PLEKHM2: variants seen among roughly 807,000 people sequenced by gnomAD.
PLEKHM2 encodes the protein pleckstrin homology and RUN domain containing M2, also known as pleckstrin homology domain-containing family M member 2.
PLEKHM2 carries 77 observed loss-of-function variants against 116.3 expected under a neutral mutation model. That is an observed-to-expected ratio of 0.66 (90% CI 0.55 to 0.80). The LOEUF is 0.80. Among genes scored for constraint, PLEKHM2 ranks in the 30% least tolerant of loss-of-function variants. PLEKHM2 has a pLI of 0.00. For synonymous variants in PLEKHM2, 562 were observed against 571.0 expected (o/e 0.98, Z 0.22); for missense variants, 1,183 against 1,354.9 (o/e 0.87, Z 1.99).
At position 15,728,688 on chromosome 1, in the gene PLEKHM2, C is replaced by T; in HGVS notation, c.1941C>T (p.Tyr647=). ...TCTCAGGGGCCACAGAGAAGCCATA[C>T]CTGGTGGAAGAGGCCGTTTCTTACA... is the stretch of plus-strand genomic sequence containing the variant. ...LLRKGATEKP[Y]LVEEAVSYNE... Residue 647 remains tyrosine, a synonymous_variant, in exon 12 of 20, where the codon TAC becomes TAT. Transcript: ENST00000375799. This position sits in a 1 kb window ranked among gnomAD's most constrained non-coding sequence, Gnocchi z 5.9. 6.2e-7 allele frequency: 1 copy of T among 1,611,776 alleles called. No homozygotes were observed. The highest frequency in any genetic ancestry group is 1.1e-5 in the South Asian group (1 of 90,538).
intron 19 of PLEKHM2, 100 bp from the exon 20 acceptor site, chr1:15,733,697 G>A: frequency 7.7e-7 from 1 of 1,298,742 alleles, no homozygotes; most frequent in Non-Finnish European, 1.1e-6. Context: ...CCTGACAGGG[G>A]CTCCGTGGCC....
At chr1:15,702,526 T>C (rs1641135981) in intron 1 of PLEKHM2, among the ~76,000 whole-genome samples, 1 of 151,928 alleles carries the variant, frequency 6.6e-6, no homozygotes, top group Non-Finnish European at 1.5e-5. Context: ...AGCAATTCTT[T>C]TGCCTCAGCC....
chr1:15,727,958 C>CCG lies in PLEKHM2; in HGVS notation c.1761-120_1761-119insGC. ...CCTGAGTGAGAAGGGGTGTGAGCCTCCCTCCCTAACTTTGGCTCCTAGTGG... is the reference window on the plus strand; with the variant it reads ...CCTGAGTGAGAAGGGGTGTGAGCCTCCGCCTCCCTAACTTTGGCTCCTAGTGG... On this transcript the variant is annotated intron_variant, in intron 9 of 19. Coordinates refer to ENST00000375799, the MANE Select transcript of PLEKHM2 (RefSeq NM_015164.4). This position sits in a 1 kb window ranked among gnomAD's most constrained non-coding sequence, Gnocchi z 7.5. 8.4e-7 allele frequency: 1 copy of CCG among 1,196,450 alleles called. No homozygotes were observed. The highest frequency in any genetic ancestry group is 1.2e-6 in the Non-Finnish European group (1 of 828,544). The allele number at this position is 1,196,450 out of a possible 1,614,324, so 74.1% of individuals were successfully genotyped here. A position where few individuals can be genotyped will look rare whatever the true frequency, so the allele number is the denominator to read the frequency against.
At chr1:15,705,170 C>CTTTT (rs71306988) in intron 1 of PLEKHM2, among the ~76,000 whole-genome samples, 2 of 74,070 alleles carry the variant, frequency 2.7e-5, no homozygotes, top group African/African-American at 6.3e-5. Flanking sequence ...ACGTAGATAT[C>CTTTT]TTTTTTTTTT....
In PLEKHM2 at chr1:15,731,921, A is replaced by G; in HGVS notation, c.2498A>G (p.Asn833Ser). Residue 833 changes from asparagine (N) to serine (S), a missense_variant, in exon 17 of 20, where the codon AAC becomes AGC. Around this residue, in one of 3 missense-constraint regions of PLEKHM2, gnomAD observed 594 missense variants for 720.1 expected, o/e 0.82. Coordinates refer to ENST00000375799, the MANE Select transcript of PLEKHM2 (RefSeq NM_015164.4). ...GEQCGGCRRA[N>S]TTDRPHAFQV... ...CAGTGCGGTGGCTGCCGGAGAGCCA[A>G]CACCACGGATCGGCCCCACGCCTTC... is the stretch of plus-strand genomic sequence containing the variant. 6.2e-7 allele frequency: 1 copy of G among 1,611,468 alleles called. No homozygotes were observed. The highest frequency in any genetic ancestry group is 8.5e-7 in the Non-Finnish European group (1 of 1,179,356).
intron 1 of PLEKHM2, among the ~76,000 whole-genome samples, chr1:15,707,973 C>T (rs1249635995): frequency 2.0e-5 from 3 of 152,054 alleles, no homozygotes; most frequent in African/African-American, 4.8e-5. Flanking sequence ...TGACCTCCAC[C>T]CCCTGGGTTC....
intron 2 of PLEKHM2, 53 bp downstream of exon 2, chr1:15,716,396 A>G: frequency 6.5e-6 from 7 of 1,084,502 alleles, no homozygotes; most frequent in Non-Finnish European, 9.5e-6. Flanking sequence ...GGCCATGAGT[A>G]GCCTCCACAG....
At chr1:15,686,680 G>T (rs12405735) in intron 1 of PLEKHM2, among the ~76,000 whole-genome samples, 1 of 135,810 alleles carries the variant, frequency 7.4e-6, no homozygotes, top group African/African-American at 3.2e-5. Context: ...ACGGAGTCTC[G>T]CTCTGTCGCC....
chr1:15,707,282 A>AT (rs1175794945), intron 1 of PLEKHM2, among the ~76,000 whole-genome samples: 1 of 151,396 alleles, frequency 6.6e-6, no homozygotes, highest in African/African-American at 2.4e-5. Flanking sequence ...AAAAAAAAAA[A>AT]ATTAGCCAGG....
chr1:15,687,653 C>A (rs926968793), intron 1 of PLEKHM2, among the ~76,000 whole-genome samples: 5 of 152,182 alleles, frequency 3.3e-5, no homozygotes, highest in Non-Finnish European at 7.3e-5. Context: ...TTGTTTGAGA[C>A]AACTGCGATG....
Position 15,697,266 on chromosome 1 carries a change from T to C in PLEKHM2, c.60+12648T>C, listed in dbSNP as rs184717362. Among the ~76,000 whole-genome samples, 340 of 152,050 alleles carry C rather than the reference T, an allele frequency of 2.2e-3. 1 individual carries two copies. The highest frequency in any genetic ancestry group is 7.9e-3 in the African/African-American group (326 of 41,490). On this transcript the variant is annotated intron_variant, in intron 1 of 19. Transcript: ENST00000375799. ...CCGTCCCAGCAGTAGAAGAATGGAG[T>C]AGAATCGTGTGCACTCTGTTTTTCA...
intron 1 of PLEKHM2, among the ~76,000 whole-genome samples, chr1:15,695,428 C>T (rs1255458810): frequency 6.6e-6 from 1 of 152,172 alleles, no homozygotes; most frequent in African/African-American, 2.4e-5. Flanking sequence ...TTAGTTTATT[C>T]GGCACCTGTT....
chr1:15,689,999 G>T (rs1013172037), intron 1 of PLEKHM2, among the ~76,000 whole-genome samples: 23 of 149,456 alleles, frequency 1.5e-4, no homozygotes, highest in African/African-American at 4.7e-4. Flanking sequence ...CAGGTGATCT[G>T]CCTGCTTCGG....
intron 15 of PLEKHM2, among the ~76,000 whole-genome samples, 153 bp downstream of exon 15, chr1:15,730,875 G>C (rs1023865251): frequency 9.8e-5 from 15 of 152,324 alleles, no homozygotes; most frequent in African/African-American, 3.6e-4. Flanking sequence ...AGTTGACTTA[G>C]CTCAGGCTGT....
At chr1:15,713,787 C>G (rs557498770) in intron 1 of PLEKHM2, among the ~76,000 whole-genome samples, 1 of 152,108 alleles carries the variant, frequency 6.6e-6, no homozygotes, top group East Asian at 1.9e-4. Context: ...AGGCGCCTGC[C>G]ACTACGCCCG....
intron 16 of PLEKHM2, among the ~76,000 whole-genome samples, chr1:15,731,608 G>A (rs1464019555): frequency 6.6e-6 from 1 of 152,172 alleles, no homozygotes; most frequent in Non-Finnish European, 1.5e-5. Context: ...ATTCTCAGAG[G>A]GCCAGTGGGA....
intron 1 of PLEKHM2, among the ~76,000 whole-genome samples, chr1:15,714,529 G>C (rs1641402414): frequency 6.6e-6 from 1 of 152,142 alleles, no homozygotes; most frequent in African/African-American, 2.4e-5. Context: ...CTGGGAGGAA[G>C]GGAAGGGAAG....
In PLEKHM2 at chr1:15,728,624, A is replaced by C. The variant is rs780076977; in HGVS notation, c.1922-45A>C. On this transcript the variant is annotated intron_variant, in intron 11 of 19. Coordinates refer to ENST00000375799, the MANE Select transcript of PLEKHM2 (RefSeq NM_015164.4). This position sits in a 1 kb window ranked among gnomAD's most constrained non-coding sequence, Gnocchi z 5.9. ...TAAGAAAATGGGGCAGGGGGAGGGA[A>C]AAGAGGCCTGTGGGGATAATAGGCC... 3 of 1,525,222 alleles carry C rather than the reference A, an allele frequency of 2.0e-6. No individual in the cohort carries two copies. The East Asian group carries it at 6.9e-5, about 35-fold the overall frequency. 94.5% of individuals were successfully genotyped at this position (1,525,222 alleles called of 1,614,324 possible). A position where few individuals can be genotyped will look rare whatever the true frequency, so the allele number is the denominator to read the frequency against.
At position 15,733,945 on chromosome 1, in the gene PLEKHM2, G is replaced by T; in HGVS notation, c.*11G>T. 6.2e-7 allele frequency: 1 copy of T among 1,608,630 alleles called. No homozygotes were observed. The highest frequency in any genetic ancestry group is 1.3e-5 in the African/African-American group (1 of 74,892). On this transcript the variant is annotated 3_prime_UTR_variant, in exon 20 of 20. Coordinates refer to ENST00000375799, the MANE Select transcript of PLEKHM2 (RefSeq NM_015164.4). ...GACCCCTGGTGCTGAGGCAGAGCTGGTTGGCGTCCCTGGTGGGCAGGAAAG... is the reference window on the plus strand; with the variant it reads ...GACCCCTGGTGCTGAGGCAGAGCTGTTTGGCGTCCCTGGTGGGCAGGAAAG...
Sources: allele counts gnomAD v4.1 joint callset (sites outside exome capture counted in the v4.1 genomes callset), GRCh38; gene constraint gnomAD v4.1.1; regional missense constraint gnomAD v4.1.1; non-coding constraint Gnocchi (gnomAD v3.1); transcripts MANE v1.5; gene names NCBI Gene and HGNC (gene_info 2026-07-23, HGNC 2026-07-21).